Variants in FBXL20 observed in about 807,000 individuals in gnomAD.
FBXL20 encodes F-box/LRR-repeat protein 20.
Under a neutral mutation model 64.0 loss-of-function variants are expected in FBXL20, and 11 were observed. That is an observed-to-expected ratio of 0.17 (90% CI 0.11 to 0.28). The LOEUF (loss-of-function observed/expected upper bound fraction) is 0.28. FBXL20 is among the 10% of genes least tolerant of loss of function. The probability of loss-of-function intolerance (pLI) is 1.00; values close to 1 mark genes in which losing one functional copy is unlikely to be tolerated. For missense variants in FBXL20, 303 were observed against 526.2 expected (o/e 0.58, Z 4.15); for synonymous variants, 184 against 189.0 (o/e 0.97, Z 0.22).
chr17:39,400,415 G>A (rs76872310), intron 1 of FBXL20, among the ~76,000 whole-genome samples: 149 of 152,280 alleles, frequency 9.8e-4, no homozygotes, highest in South Asian at 2.5e-3. Context: ...GAAAAACACC[G>A]AGTGAGATTG....
chr17:39,387,263 G>A lies in FBXL20; in HGVS notation c.42+14098C>T, dbSNP rs567121795. Among the ~76,000 whole-genome samples, 5 of 149,848 alleles carry A rather than the reference G, an allele frequency of 3.3e-5. No homozygotes were observed. The Admixed American group carries it at 3.3e-4, about 10-fold the overall frequency. On this transcript the variant is annotated intron_variant, in intron 1 of 14. Coordinates refer to ENST00000264658, the MANE Select transcript of FBXL20 (RefSeq NM_032875.3). Reference sequence around the variant, plus strand: ...TAATCTATGATGTTTGGTGGGTTAGGTGTATTAACTGCACTTTTTTTTTTT... The same window carrying A: ...TAATCTATGATGTTTGGTGGGTTAGATGTATTAACTGCACTTTTTTTTTTT...
At chr17:39,267,264 C>T (rs954357127) in intron 12 of FBXL20, among the ~76,000 whole-genome samples, 3 of 151,070 alleles carry the variant, frequency 2.0e-5, no homozygotes, top group Admixed American at 6.6e-5. Context: ...CACCCCACAC[C>T]ACAAAACAAA....
chr17:39,387,806 G>A (rs1376676074), intron 1 of FBXL20, among the ~76,000 whole-genome samples: 2 of 151,960 alleles, frequency 1.3e-5, no homozygotes, highest in African/African-American at 4.8e-5. Context: ...TTGAACTCCT[G>A]GGCTCAAGCG....
chr17:39,289,780 A>G (rs1318976814), intron 6 of FBXL20, among the ~76,000 whole-genome samples: 1 of 152,090 alleles, frequency 6.6e-6, no homozygotes, highest in African/African-American at 2.4e-5. Flanking sequence ...AGATCAGTTG[A>G]GGCCAGTAGT....
At chr17:39,335,303 G>C (rs1285427076) in intron 2 of FBXL20, among the ~76,000 whole-genome samples, 1 of 151,036 alleles carries the variant, frequency 6.6e-6, no homozygotes, top group Non-Finnish European at 1.5e-5. Context: ...TTTTGTTCAA[G>C]GCTCAGTCCT....
chr17:39,365,962 G>A (rs905477653), intron 1 of FBXL20, among the ~76,000 whole-genome samples: 8 of 152,196 alleles, frequency 5.3e-5, no homozygotes, highest in African/African-American at 1.9e-4. Context: ...GAACTAAGAG[G>A]TGGATACTAA....
chr17:39,370,835 T>C (rs985709579), intron 1 of FBXL20, among the ~76,000 whole-genome samples: 4 of 151,750 alleles, frequency 2.6e-5, no homozygotes, highest in African/African-American at 9.7e-5. Context: ...GGCAACCTTA[T>C]ATTAGCCCCT....
intron 1 of FBXL20, among the ~76,000 whole-genome samples, chr17:39,364,316 A>T (rs1185540087): frequency 2.6e-5 from 4 of 152,306 alleles, no homozygotes; most frequent in African/African-American, 9.6e-5. Context: ...TGATTTGACC[A>T]AAAGAATGTG....
intron 12 of FBXL20, among the ~76,000 whole-genome samples, chr17:39,266,293 C>T (rs2046792097): frequency 6.6e-6 from 1 of 150,632 alleles, no homozygotes; most frequent in Admixed American, 6.6e-5. Flanking sequence ...GATCTCAGCT[C>T]ACTGCAACCT....
chr17:39,315,866 A>AGAGAGAGAGC lies in FBXL20; in HGVS notation c.105-12228_105-12227insGCTCTCTCTC, dbSNP rs1167410862. ...GAGAGAGAGAGAGAGAGAGAGAGAGAGAGAGCAACTGTAGAGCGAAATTGG... is the reference window on the plus strand; with the variant it reads ...GAGAGAGAGAGAGAGAGAGAGAGAGAGAGAGAGAGCGAGAGCAACTGTAGAGCGAAATTGG... On this transcript the variant is annotated intron_variant, in intron 2 of 14. Coordinates refer to ENST00000264658, the MANE Select transcript of FBXL20 (RefSeq NM_032875.3). Among the ~76,000 whole-genome samples the AGAGAGAGAGC allele has an allele frequency of 5.8e-3, 769 of 132,708 alleles. 4 individuals are homozygous for AGAGAGAGAGC. Among genetic ancestry groups the AGAGAGAGAGC allele is most frequent in the Non-Finnish European group, 9.5e-3 (601 of 63,256 alleles). 87.1% of individuals were successfully genotyped at this position (132,708 alleles called of 152,430 possible).
intron 1 of FBXL20, among the ~76,000 whole-genome samples, chr17:39,362,946 T>C (rs1474841796): frequency 6.6e-6 from 1 of 151,100 alleles, no homozygotes; most frequent in Non-Finnish European, 1.5e-5. Context: ...GAAACACTTA[T>C]TACAACCAAC....
chr17:39,392,438 CAAAAAAA>C (rs67507209), intron 1 of FBXL20, among the ~76,000 whole-genome samples: 13 of 104,014 alleles, frequency 1.2e-4, no homozygotes, highest in South Asian at 4.0e-4. Context: ...AGATTGTCTC[CAAAAAAA>C]AAAAAAAAAA....
chr17:39,278,978 A>AC (rs1432013385), intron 9 of FBXL20, among the ~76,000 whole-genome samples: 1 of 150,614 alleles, frequency 6.6e-6, no homozygotes, highest in Non-Finnish European at 1.5e-5. Flanking sequence ...ACATGGCAAA[A>AC]CCCCATCTCT....
chr17:39,342,304 G>A (rs1280816835), intron 2 of FBXL20, among the ~76,000 whole-genome samples: 5 of 151,862 alleles, frequency 3.3e-5, no homozygotes, highest in African/African-American at 1.2e-4. Flanking sequence ...AGTGGCTCAA[G>A]TCTGTAATCC....
At position 39,257,412 on chromosome 17, in the gene FBXL20, C is replaced by A. The variant is rs1033644435; in HGVS notation, c.*4048G>T. The stretch of plus-strand genomic sequence containing the variant: ...TACAAGGGATATGTGAAACTTCTGA[C>A]TTACATGTCTGCTAAATCAACTTAA... On this transcript the variant is annotated 3_prime_UTR_variant, in exon 15 of 15. Coordinates refer to ENST00000264658, the MANE Select transcript of FBXL20 (RefSeq NM_032875.3). 6.6e-6 allele frequency: 1 copy of A among 152,188 alleles called. No individual in the cohort carries two copies. Among genetic ancestry groups the A allele is most frequent in the African/African-American group, 2.4e-5 (1 of 41,428 alleles). The allele number at this position is 152,188 out of a possible 1,614,324, so 9.4% of individuals were successfully genotyped here. A position where few individuals can be genotyped will look rare whatever the true frequency, so the allele number is the denominator to read the frequency against.
At chr17:39,346,340 CAA>C (rs368093968) in intron 1 of FBXL20, among the ~76,000 whole-genome samples, 1 of 144,254 alleles carries the variant, frequency 6.9e-6, no homozygotes, top group Admixed American at 6.9e-5. Context: ...GATCCTGTCT[CAA>C]AAAAAAAAGA....
intron 1 of FBXL20, among the ~76,000 whole-genome samples, chr17:39,388,633 GC>G (rs909826730): frequency 1.5e-4 from 22 of 150,830 alleles, no homozygotes; most frequent in Non-Finnish European, 2.2e-4. Context: ...ACAGGCGCCC[GC>G]CACCATGCCC....
At chr17:39,366,447 A>G (rs552333714) in intron 1 of FBXL20, among the ~76,000 whole-genome samples, 2 of 152,288 alleles carry the variant, frequency 1.3e-5, no homozygotes, top group South Asian at 4.1e-4. Flanking sequence ...GACTGGCTAC[A>G]CAACTGTCAT....
chr17:39,312,562 TTCTA>T (rs2047244447), intron 2 of FBXL20, among the ~76,000 whole-genome samples: 1 of 141,708 alleles, frequency 7.1e-6, no homozygotes, highest in Non-Finnish European at 1.5e-5. Flanking sequence ...ACCCTTTAAA[TTCTA>T]TCTTTTTTTT....
Sources: allele counts gnomAD v4.1 joint callset (sites outside exome capture counted in the v4.1 genomes callset), GRCh38; gene constraint gnomAD v4.1.1; transcripts MANE v1.5; gene names NCBI Gene and HGNC (gene_info 2026-07-23, HGNC 2026-07-21).